PCDH15: variants seen among roughly 807,000 people sequenced by gnomAD.
PCDH15 encodes the protein protocadherin related 15.
Under a neutral mutation model 178.5 loss-of-function variants are expected in PCDH15, and 129 were observed. The ratio of observed to expected loss-of-function variants is 0.72; its 90% CI spans 0.63 to 0.84. The LOEUF is 0.84. PCDH15 is among the 40% of genes least tolerant of loss of function. PCDH15 has a pLI of 0.00. For missense variants in PCDH15, 2,230 were observed against 2,099.9 expected, an observed-to-expected ratio of 1.06 and a Z score of -1.21; for synonymous variants, 800 against 732.0, an observed-to-expected ratio of 1.09 and a Z score of -1.50.
At chr10:55,464,894 C>A (rs1406881868) in intron 2 of PCDH15, among the ~76,000 whole-genome samples, 1 of 96,538 alleles carries the variant, frequency 1.0e-5, no homozygotes, top group Non-Finnish European at 1.9e-5. Flanking sequence ...TGTGGTGATG[C>A]TTAAATTGAA....
chr10:53,968,536 A>T (rs1020117611), intron 21 of PCDH15, among the ~76,000 whole-genome samples: 2 of 152,128 alleles, frequency 1.3e-5, no homozygotes, highest in Non-Finnish European at 2.9e-5. Flanking sequence ...GAGATCTAAG[A>T]ACGGACAGAC....
intron 6 of PCDH15, among the ~76,000 whole-genome samples, chr10:54,343,387 C>CTT (rs1425135552): frequency 6.6e-6 from 1 of 152,100 alleles, no homozygotes; most frequent in Admixed American, 6.5e-5. Flanking sequence ...CCCCCTTTCC[C>CTT]TTTTGCTGTG....
At chr10:55,600,006 T>A in intron 2 of PCDH15, 1 of 1,334,774 alleles carries the variant, frequency 7.5e-7, no homozygotes, top group African/African-American at 1.5e-5. Context: ...GGAGCTTGAA[T>A]TCATTAATGC....
At chr10:55,478,304 C>T (rs958099411) in intron 2 of PCDH15, among the ~76,000 whole-genome samples, 3 of 151,566 alleles carry the variant, frequency 2.0e-5, no homozygotes, top group African/African-American at 7.3e-5. Context: ...TTAAAATGGA[C>T]TCTAGACTAA....
At chr10:55,135,041 C>T (rs551149149) in intron 2 of PCDH15, among the ~76,000 whole-genome samples, 5 of 152,158 alleles carry the variant, frequency 3.3e-5, no homozygotes, top group Admixed American at 2.0e-4. Flanking sequence ...CCTATATAAG[C>T]GCCATCAGGA....
At chr10:54,088,765 T>C (rs2094553888) in intron 16 of PCDH15, among the ~76,000 whole-genome samples, 1 of 152,190 alleles carries the variant, frequency 6.6e-6, no homozygotes, top group African/African-American at 2.4e-5. Flanking sequence ...TTGCATATTG[T>C]CCCAGCTTCA....
At chr10:54,752,559 A>G (rs575223018) in intron 1 of PCDH15, among the ~76,000 whole-genome samples, 1 of 151,578 alleles carries the variant, frequency 6.6e-6, no homozygotes, top group East Asian at 1.9e-4. Context: ...ATTTTCCTAT[A>G]TGTCAGAAAA....
In PCDH15 at chr10:55,107,415, G is replaced by A. The variant is rs187083668; in HGVS notation, c.-80+59161C>T. 2.2e-3 allele frequency among the ~76,000 whole-genome samples: 333 copies of A among 150,366 alleles called. 2 individuals carry two copies. In the Middle Eastern group the frequency reaches 0.025, roughly 11 times the overall value. ...TTTTTACAACATTTAAGCAATACCA[G>A]ATGGCCTATGAATTTTTACCACAAA... On this transcript the variant is annotated intron_variant, in intron 2 of 5. Coordinates refer to the PCDH15 transcript ENST00000458638.
chr10:55,172,633 A>C (rs1440021924), intron 1 of PCDH15, among the ~76,000 whole-genome samples: 1 of 152,024 alleles, frequency 6.6e-6, no homozygotes, highest in Non-Finnish European at 1.5e-5. Flanking sequence ...GGCATACTTC[A>C]AGAGTATGTA....
intron 13 of PCDH15, among the ~76,000 whole-genome samples, chr10:54,161,680 T>A (rs889547132): frequency 4.9e-5 from 7 of 143,266 alleles, no homozygotes; most frequent in African/African-American, 1.8e-4. Flanking sequence ...TCAACCCTCC[T>A]AGAAACCAAG....
chr10:54,112,004 G>A (rs931946267), intron 15 of PCDH15, among the ~76,000 whole-genome samples: 13 of 150,562 alleles, frequency 8.6e-5, no homozygotes, highest in Non-Finnish European at 8.9e-5. Flanking sequence ...TTAGCTTAGC[G>A]TGGTGGTGGG....
chr10:54,576,981 A>G (rs7076026), intron 2 of PCDH15, among the ~76,000 whole-genome samples: 139,626 of 152,212 alleles, frequency 0.92, 64,625 homozygotes, highest in Middle Eastern at 0.98. Flanking sequence ...ATGCAAAGAT[A>G]GAGAAAAATG....
chr10:54,187,682 C>G (rs2048595237), intron 11 of PCDH15, among the ~76,000 whole-genome samples: 2 of 151,808 alleles, frequency 1.3e-5, no homozygotes, highest in Non-Finnish European at 2.9e-5. Flanking sequence ...AGAAGATAAT[C>G]TATCACAGAA....
At chr10:54,032,242 A>C (rs912304592) in intron 18 of PCDH15, among the ~76,000 whole-genome samples, 2 of 151,824 alleles carry the variant, frequency 1.3e-5, no homozygotes, top group African/African-American at 4.8e-5. Flanking sequence ...CTTCAGCCCT[A>C]GTATCACCTC....
chr10:54,974,219 G>A (rs1191306499), intron 2 of PCDH15, among the ~76,000 whole-genome samples: 3 of 151,906 alleles, frequency 2.0e-5, no homozygotes, highest in Admixed American at 1.3e-4. Flanking sequence ...ACAAAACTCA[G>A]TGAACACAAA....
chr10:54,902,467 C>T (rs1428069825), intron 2 of PCDH15, among the ~76,000 whole-genome samples: 1 of 152,136 alleles, frequency 6.6e-6, no homozygotes, highest in African/African-American at 2.4e-5. Context: ...TTTGGTCCCT[C>T]TCTCTTCTGT....
intron 25 of PCDH15, among the ~76,000 whole-genome samples, chr10:53,937,858 G>A (rs16937840): frequency 0.091 from 13,816 of 151,814 alleles, 1,447 homozygotes; most frequent in East Asian, 0.25. Flanking sequence ...TTCTAAGAAC[G>A]CTCGCTTGCT....
chr10:54,025,392 T>C lies in PCDH15; in HGVS notation c.2221-2195A>G, dbSNP rs913818007. ...CAAGTTGTTGACAGAATTCAGTTGCTAGAGTTTGTAGAACTGAGATCCCCA... is the reference window on the plus strand; with the variant it reads ...CAAGTTGTTGACAGAATTCAGTTGCCAGAGTTTGTAGAACTGAGATCCCCA... On this transcript the variant is annotated intron_variant, in intron 18 of 37. Transcript: ENST00000644397. Among the ~76,000 whole-genome samples, 5 of 152,250 alleles carry C rather than the reference T, an allele frequency of 3.3e-5. 1 individual carries two copies. The highest frequency in any genetic ancestry group is 3.3e-4 in the Admixed American group (5 of 15,290).
chr10:54,574,694 T>A (rs1378079970), intron 2 of PCDH15, among the ~76,000 whole-genome samples: 1 of 150,030 alleles, frequency 6.7e-6, no homozygotes, highest in East Asian at 2.0e-4. Context: ...ACTTTTACAC[T>A]GTTGGTGGGA....
Sources: allele counts gnomAD v4.1 joint callset (sites outside exome capture counted in the v4.1 genomes callset), GRCh38; gene constraint gnomAD v4.1.1; transcripts MANE v1.5; gene names NCBI Gene and HGNC (gene_info 2026-07-23, HGNC 2026-07-21).